LIN7A: variants seen among roughly 807,000 people sequenced by gnomAD.
LIN7A encodes protein lin-7 homolog A.
Under a neutral mutation model 29.8 loss-of-function variants are expected in LIN7A, and 25 were observed. The ratio of observed to expected loss-of-function variants is 0.84; its 90% CI spans 0.61 to 1.17. The LOEUF (loss-of-function observed/expected upper bound fraction) is 1.17. Ranked by LOEUF, LIN7A falls within the 50% of genes most tolerant of loss-of-function variation. LIN7A has a pLI of 0.00. For missense variants in LIN7A, 239 were observed against 287.0 expected, an observed-to-expected ratio of 0.83 and a Z score of 1.21; for synonymous variants, 118 against 107.5, an observed-to-expected ratio of 1.10 and a Z score of -0.60.
chr12:80,847,979 C>T (rs1045497103), intron 3 of LIN7A: 5 of 517,196 alleles, frequency 9.7e-6, no homozygotes, highest in South Asian at 7.6e-5. Context: ...TAGTATTTCA[C>T]ACAATGAACC....
At chr12:80,901,257 C>G (rs1385687751) in intron 1 of LIN7A, among the ~76,000 whole-genome samples, 1 of 152,142 alleles carries the variant, frequency 6.6e-6, no homozygotes, top group African/African-American at 2.4e-5. Flanking sequence ...TACATTCCAT[C>G]TATGACCTCA....
intron 2 of LIN7A, chr12:80,861,217 C>G (rs916639541): frequency 6.6e-6 from 1 of 152,312 alleles, no homozygotes; most frequent in Non-Finnish European, 1.5e-5. Context: ...GATAGTGCTC[C>G]TTGCACAACA....
intron 1 of LIN7A, among the ~76,000 whole-genome samples, chr12:80,921,834 T>G (rs1877324509): frequency 6.6e-6 from 1 of 152,186 alleles, no homozygotes; most frequent in Admixed American, 6.5e-5. Context: ...CAGAAGAAAT[T>G]AATGTCTGCC....
At chr12:80,837,432 G>A (rs1184400078) in intron 4 of LIN7A, among the ~76,000 whole-genome samples, 1 of 151,296 alleles carries the variant, frequency 6.6e-6, no homozygotes, top group African/African-American at 2.5e-5. Flanking sequence ...TTGGCGCAGA[G>A]AAGAAGGTAA....
intron 1 of LIN7A, among the ~76,000 whole-genome samples, chr12:80,918,563 T>G (rs1877137147): frequency 6.6e-6 from 1 of 152,174 alleles, no homozygotes; most frequent in African/African-American, 2.4e-5. Context: ...CTCACACCTC[T>G]CCATTCCAGC....
At chr12:80,827,373 T>G (rs977636733) in intron 4 of LIN7A, among the ~76,000 whole-genome samples, 2 of 147,624 alleles carry the variant, frequency 1.4e-5, no homozygotes, top group Non-Finnish European at 1.5e-5. Flanking sequence ...GGTGACAGAG[T>G]GAGACTCTGT....
intron 4 of LIN7A, among the ~76,000 whole-genome samples, chr12:80,843,884 C>T (rs374140041): frequency 3.9e-5 from 6 of 152,034 alleles, no homozygotes; most frequent in East Asian, 3.9e-4. Context: ...TTATGAAATG[C>T]GTACAGTGTG....
intron 5 of LIN7A, among the ~76,000 whole-genome samples, chr12:80,798,624 G>A (rs1158785545): frequency 6.6e-6 from 1 of 151,926 alleles, no homozygotes; most frequent in Non-Finnish European, 1.5e-5. Flanking sequence ...TATCACTAAT[G>A]AAAATTTATT....
At chr12:80,906,797 C>A (rs976969288) in intron 1 of LIN7A, among the ~76,000 whole-genome samples, 1 of 151,958 alleles carries the variant, frequency 6.6e-6, no homozygotes, top group African/African-American at 2.4e-5. Context: ...AACAAACCTG[C>A]ATATGCATCC....
chr12:80,870,452 A>G (rs1431933291), intron 2 of LIN7A, among the ~76,000 whole-genome samples: 1 of 152,196 alleles, frequency 6.6e-6, no homozygotes, highest in Non-Finnish European at 1.5e-5. Flanking sequence ...ACTGATAGAC[A>G]TACAAATACT....
intron 1 of LIN7A, among the ~76,000 whole-genome samples, chr12:80,913,480 G>A (rs779436256): frequency 3.3e-5 from 5 of 152,256 alleles, no homozygotes; most frequent in South Asian, 2.1e-4. Flanking sequence ...ATGTGGAGAC[G>A]AGGAAACGGG....
chr12:80,902,178 T>C (rs563890327), intron 1 of LIN7A, among the ~76,000 whole-genome samples: 2 of 151,988 alleles, frequency 1.3e-5, no homozygotes, highest in Admixed American at 1.3e-4. Context: ...GTGTGTGGCT[T>C]TTTTTCTGAG....
At chr12:80,891,880 G>T (rs79604855) in intron 1 of LIN7A, among the ~76,000 whole-genome samples, 1 of 152,094 alleles carries the variant, frequency 6.6e-6, no homozygotes. Context: ...GAAATAAAAG[G>T]CGTTTATTAT....
intron 1 of LIN7A, among the ~76,000 whole-genome samples, chr12:80,929,726 C>T (rs775881252): frequency 1.3e-5 from 2 of 151,398 alleles, no homozygotes; most frequent in Non-Finnish European, 2.9e-5. Context: ...TATATATGTA[C>T]ACACACACAC....
intron 5 of LIN7A, among the ~76,000 whole-genome samples, chr12:80,802,509 T>C (rs933553819): frequency 6.6e-6 from 1 of 152,134 alleles, no homozygotes; most frequent in Non-Finnish European, 1.5e-5. Context: ...GATCATATGG[T>C]GGTTCTAATT....
At chr12:80,816,855 A>G (rs1871561148) in intron 4 of LIN7A, among the ~76,000 whole-genome samples, 1 of 152,136 alleles carries the variant, frequency 6.6e-6, no homozygotes, top group African/African-American at 2.4e-5. Context: ...TGCAACCTCC[A>G]TCTCCCAGGT....
intron 2 of LIN7A, among the ~76,000 whole-genome samples, chr12:80,868,366 C>T (rs1164715944): frequency 1.3e-5 from 2 of 152,122 alleles, no homozygotes; most frequent in East Asian, 1.9e-4. Flanking sequence ...GTGGGGAGTT[C>T]GAGACCAGCC....
intron 2 of LIN7A, among the ~76,000 whole-genome samples, chr12:80,862,231 C>A (rs868241219): frequency 1.3e-5 from 2 of 152,188 alleles, no homozygotes; most frequent in South Asian, 4.1e-4. Context: ...TCATATTTCA[C>A]AATTTCCAGG....
chr12:80,810,736 A>G (rs1032131133), intron 5 of LIN7A, among the ~76,000 whole-genome samples: 2 of 152,156 alleles, frequency 1.3e-5, no homozygotes, highest in Admixed American at 6.5e-5. Flanking sequence ...TTTTCTTCAC[A>G]TCCTCACTAG....
Sources: allele counts gnomAD v4.1 joint callset (sites outside exome capture counted in the v4.1 genomes callset), GRCh38; gene constraint gnomAD v4.1.1; transcripts MANE v1.5; gene names NCBI Gene and HGNC (gene_info 2026-07-23, HGNC 2026-07-21).